HMGCLL1: variants seen among roughly 807,000 people sequenced by gnomAD.
HMGCLL1 encodes the protein 3-hydroxy-3-methylglutaryl-CoA lyase like 1, also known as 3-hydroxymethyl-3-methylglutaryl-CoA lyase, cytoplasmic.
A neutral mutation model predicts 39.1 loss-of-function variants in HMGCLL1; 36 were observed. The ratio of observed to expected loss-of-function variants is 0.92; its 90% CI spans 0.71 to 1.22. HMGCLL1 has a LOEUF of 1.22. Among genes scored for constraint, HMGCLL1 ranks in the 50% most tolerant of loss-of-function variants. The pLI is 0.00. For missense variants in HMGCLL1, 451 were observed against 416.5 expected (o/e 1.08, Z -0.72); for synonymous variants, 149 against 144.0 (o/e 1.03, Z -0.25).
At chr6:55,485,111 C>T (rs1388223508) in intron 7 of HMGCLL1, among the ~76,000 whole-genome samples, 5 of 151,960 alleles carry the variant, frequency 3.3e-5, no homozygotes, top group Admixed American at 3.3e-4. Context: ...GGAGTAATAC[C>T]CACATCTTCT....
intron 3 of HMGCLL1, among the ~76,000 whole-genome samples, chr6:55,521,856 T>C (rs1768057561): frequency 6.6e-6 from 1 of 151,946 alleles, no homozygotes; most frequent in African/African-American, 2.4e-5. Flanking sequence ...AATGATTAAG[T>C]TTAGTGAGAA....
chr6:55,619,309 T>A, the HMGCLL1 span, among the ~76,000 whole-genome samples: 2 of 152,136 alleles, frequency 1.3e-5, no homozygotes, highest in Non-Finnish European at 2.9e-5. Flanking sequence ...TGTAAAAGCA[T>A]TAAATTCACA....
chr6:55,478,919 A>C (rs973868964), intron 7 of HMGCLL1, among the ~76,000 whole-genome samples: 4 of 151,238 alleles, frequency 2.6e-5, no homozygotes, highest in African/African-American at 9.8e-5. Context: ...CTAGAAATTT[A>C]CTCTTTACTA....
intron 7 of HMGCLL1, among the ~76,000 whole-genome samples, chr6:55,472,596 AT>A (rs973465774): frequency 2.0e-5 from 3 of 151,450 alleles, no homozygotes; most frequent in African/African-American, 7.3e-5. Flanking sequence ...TATAATATAT[AT>A]TTTTGTTTTA....
At chr6:55,603,959 C>T in the HMGCLL1 span, among the ~76,000 whole-genome samples, 1 of 152,036 alleles carries the variant, frequency 6.6e-6, no homozygotes, top group Non-Finnish European at 1.5e-5. Flanking sequence ...GATTTTATTC[C>T]ATAAGTACAT....
At chr6:55,650,920 ACT>A in the HMGCLL1 span, among the ~76,000 whole-genome samples, 14,244 of 151,852 alleles carry the variant, frequency 0.094, 753 homozygotes, top group East Asian at 0.17. Flanking sequence ...CAGGCCTGAG[ACT>A]CACACTTAAG....
the HMGCLL1 span, among the ~76,000 whole-genome samples, chr6:55,618,207 G>T: frequency 1.3e-5 from 2 of 151,898 alleles, no homozygotes; most frequent in Admixed American, 1.3e-4. Flanking sequence ...AAACGTCTGG[G>T]GTCTGGTAAT....
At chr6:55,547,692 A>G (rs1199213801) in intron 1 of HMGCLL1, among the ~76,000 whole-genome samples, 1 of 152,022 alleles carries the variant, frequency 6.6e-6, no homozygotes, top group African/African-American at 2.4e-5. Context: ...TTTCAAAATT[A>G]AATTAGGCTT....
At chr6:55,453,100 G>A (rs574567871) in intron 7 of HMGCLL1, among the ~76,000 whole-genome samples, 18 of 152,274 alleles carry the variant, frequency 1.2e-4, no homozygotes, top group Admixed American at 3.3e-4. Flanking sequence ...CAGAGAAGAA[G>A]CAATGTGGAA....
In HMGCLL1 at chr6:55,435,397, T is replaced by A. The variant is rs530574115; in HGVS notation, c.*265A>T. On this transcript the variant is annotated 3_prime_UTR_variant, in exon 9 of 9. Transcript: ENST00000274901. ...TCCCATCTACTAAATTAAAAAGTTATTTCTATGAGAGCAAAAGAAACTTTT... is the reference window on the plus strand; with the variant it reads ...TCCCATCTACTAAATTAAAAAGTTAATTCTATGAGAGCAAAAGAAACTTTT... 2.4e-5 allele frequency: 7 copies of A among 288,944 alleles called. No homozygotes were observed. Among genetic ancestry groups the A allele is most frequent in the South Asian group, 1.6e-4 (2 of 12,690 alleles). 17.9% of individuals were successfully genotyped at this position (288,944 alleles called of 1,614,324 possible).
chr6:55,595,605 T>C, the HMGCLL1 span, among the ~76,000 whole-genome samples: 1 of 152,258 alleles, frequency 6.6e-6, no homozygotes, highest in African/African-American at 2.4e-5. Context: ...AAGTCCAATA[T>C]GAGAGATAAA....
At chr6:55,632,265 A>G in the HMGCLL1 span, among the ~76,000 whole-genome samples, 2 of 151,990 alleles carry the variant, frequency 1.3e-5, no homozygotes, top group African/African-American at 4.8e-5. Context: ...AAAACATAAT[A>G]AAGAAACTTG....
At chr6:55,647,313 A>C in the HMGCLL1 span, among the ~76,000 whole-genome samples, 1 of 151,780 alleles carries the variant, frequency 6.6e-6, no homozygotes, top group Non-Finnish European at 1.5e-5. Context: ...TGTTTCTTGT[A>C]GGTAACAGAT....
chr6:55,474,380 G>A (rs1318509152), intron 7 of HMGCLL1, among the ~76,000 whole-genome samples: 2 of 151,484 alleles, frequency 1.3e-5, no homozygotes, highest in Non-Finnish European at 3.0e-5. Flanking sequence ...TCAGCTCACT[G>A]ATTCTCTCCT....
At chr6:55,471,500 T>C (rs1337999229) in intron 7 of HMGCLL1, among the ~76,000 whole-genome samples, 1 of 151,768 alleles carries the variant, frequency 6.6e-6, no homozygotes, top group African/African-American at 2.4e-5. Context: ...TCTGTAAGTC[T>C]ACATCTTTAC....
chr6:55,477,263 TATA>T (rs1765408538), intron 7 of HMGCLL1, among the ~76,000 whole-genome samples: 1 of 20,810 alleles, frequency 4.8e-5, no homozygotes, highest in Non-Finnish European at 6.5e-5. Context: ...TAATATATAT[TATA>T]TAATATATAT....
intron 1 of HMGCLL1, among the ~76,000 whole-genome samples, chr6:55,545,055 T>C (rs953801979): frequency 1.3e-5 from 2 of 152,062 alleles, no homozygotes; most frequent in Non-Finnish European, 1.5e-5. Context: ...TTACCTCTAG[T>C]CTTCAGTTGG....
intron 3 of HMGCLL1, among the ~76,000 whole-genome samples, chr6:55,533,992 G>A (rs1256780506): frequency 6.6e-6 from 1 of 152,030 alleles, no homozygotes; most frequent in East Asian, 1.9e-4. Context: ...GAAATACAGG[G>A]ACATAATTTC....
At chr6:55,613,068 A>G in the HMGCLL1 span, among the ~76,000 whole-genome samples, 1 of 152,190 alleles carries the variant, frequency 6.6e-6, no homozygotes, top group African/African-American at 2.4e-5. Flanking sequence ...AAGGTATAAC[A>G]TCCAGAATTT....
Sources: gnomAD v4.1 joint callset for allele counts (sites outside exome capture counted in the v4.1 genomes callset) on GRCh38, gnomAD v4.1.1 for gene constraint, MANE v1.5 for transcripts, NCBI Gene and HGNC (gene_info 2026-07-23, HGNC 2026-07-21) for gene names.